POFUT3: variants seen among roughly 807,000 people sequenced by gnomAD.
POFUT3 encodes protein O-fucosyltransferase 3, also known as GDP-fucose protein O-fucosyltransferase 3.
chr8:33,466,650 A>T, the POFUT3 span, among the ~76,000 whole-genome samples: 2 of 152,158 alleles, frequency 1.3e-5, no homozygotes, highest in African/African-American at 4.8e-5. Context: ...TGTATATGGT[A>T]TTAGTTACCC....
the POFUT3 span, chr8:33,389,413 CT>C: frequency 6.2e-7 from 1 of 1,614,194 alleles, no homozygotes; most frequent in Admixed American, 1.7e-5. Context: ...TTTTCAGCTG[CT>C]GAGGGAGGTC....
At chr8:33,455,025 C>T in the POFUT3 span, among the ~76,000 whole-genome samples, 1 of 152,110 alleles carries the variant, frequency 6.6e-6, no homozygotes, top group Non-Finnish European at 1.5e-5. Context: ...CTAGAGAATG[C>T]ACTCTAGGGA....
chr8:33,417,466 T>C, the POFUT3 span, among the ~76,000 whole-genome samples: 3 of 151,716 alleles, frequency 2.0e-5, no homozygotes, highest in Non-Finnish European at 2.9e-5. Flanking sequence ...GCCAAAAAGG[T>C]TGGGCACTGC....
the POFUT3 span, chr8:33,370,891 AT>A: frequency 6.6e-6 from 1 of 152,156 alleles, no homozygotes; most frequent in Non-Finnish European, 1.5e-5. Flanking sequence ...TTTCTTTAAT[AT>A]TATCAAATAA....
At chr8:33,460,961 C>A in the POFUT3 span, among the ~76,000 whole-genome samples, 3 of 152,020 alleles carry the variant, frequency 2.0e-5, no homozygotes, top group Non-Finnish European at 4.4e-5. Flanking sequence ...GAGACCAGCA[C>A]GGCCAACATG....
At chr8:33,406,965 C>A in the POFUT3 span, among the ~76,000 whole-genome samples, 1 of 152,126 alleles carries the variant, frequency 6.6e-6, no homozygotes, top group Non-Finnish European at 1.5e-5. Flanking sequence ...AAAGGCATTT[C>A]TTTGAAGTCA....
chr8:33,336,415 A>G, the POFUT3 span, among the ~76,000 whole-genome samples: 1 of 152,170 alleles, frequency 6.6e-6, no homozygotes, highest in African/African-American at 2.4e-5. Flanking sequence ...AGTATTTTTA[A>G]CCTTTGTTTT....
At chr8:33,384,676 C>T in the POFUT3 span, among the ~76,000 whole-genome samples, 1 of 152,004 alleles carries the variant, frequency 6.6e-6, no homozygotes, top group African/African-American at 2.4e-5. Context: ...AAAAAATTAG[C>T]CAGGCATGGT....
chr8:33,425,496 T>C, the POFUT3 span, among the ~76,000 whole-genome samples: 2 of 151,916 alleles, frequency 1.3e-5, no homozygotes, highest in Admixed American at 1.3e-4. Flanking sequence ...AAGGAAAAAG[T>C]CCAGAGGGGG....
the POFUT3 span, among the ~76,000 whole-genome samples, chr8:33,426,196 T>C: frequency 8.5e-5 from 13 of 152,172 alleles, no homozygotes; most frequent in Non-Finnish European, 1.6e-4. Context: ...TGAGCCACCA[T>C]GCCCAGCCTG....
chr8:33,438,599 A>G, the POFUT3 span, among the ~76,000 whole-genome samples: 2 of 152,144 alleles, frequency 1.3e-5, no homozygotes, highest in Non-Finnish European at 2.9e-5. Context: ...CCCACACCGT[A>G]CCAGTCTGTT....
At chr8:33,388,902 AG>A in the POFUT3 span, 4 of 1,280,414 alleles carry the variant, frequency 3.1e-6, no homozygotes, top group Admixed American at 1.7e-5. Context: ...GAAATGCAGG[AG>A]AGCAGAGAAC....
chr8:33,310,706 A>T, the POFUT3 span, among the ~76,000 whole-genome samples: 18 of 151,364 alleles, frequency 1.2e-4, no homozygotes, highest in Middle Eastern at 3.4e-3. Flanking sequence ...AAAAAAAAAA[A>T]ATATCTCCCA....
the POFUT3 span, among the ~76,000 whole-genome samples, chr8:33,323,436 G>A: frequency 3.9e-5 from 6 of 152,236 alleles, no homozygotes; most frequent in Non-Finnish European, 7.4e-5. Context: ...ACTCACAAAG[G>A]GTAATGAAGT....
the POFUT3 span, among the ~76,000 whole-genome samples, chr8:33,469,174 T>C: frequency 6.6e-6 from 1 of 151,938 alleles, no homozygotes; most frequent in African/African-American, 2.4e-5. Flanking sequence ...GGTGTGGTGG[T>C]GCGTGCCTAT....
At chr8:33,378,663 C>T in the POFUT3 span, among the ~76,000 whole-genome samples, 1 of 152,106 alleles carries the variant, frequency 6.6e-6, no homozygotes, top group South Asian at 2.1e-4. Flanking sequence ...TTAAAATAGA[C>T]CTCATCTGTG....
the POFUT3 span, among the ~76,000 whole-genome samples, chr8:33,415,915 CCAAA>C: frequency 3.9e-5 from 6 of 152,116 alleles, no homozygotes; most frequent in South Asian, 2.1e-4. Context: ...CTCAGAACTC[CCAAA>C]CAGTTTTTTT....
the POFUT3 span, among the ~76,000 whole-genome samples, chr8:33,328,467 C>A: frequency 1.3e-5 from 2 of 152,108 alleles, no homozygotes; most frequent in Non-Finnish European, 2.9e-5. Context: ...CAGAAGTCTG[C>A]AGCTCTGCCC....
At chr8:33,463,127 T>A in the POFUT3 span, among the ~76,000 whole-genome samples, 2 of 152,092 alleles carry the variant, frequency 1.3e-5, no homozygotes, top group Admixed American at 1.3e-4. Flanking sequence ...ATCATGCCCC[T>A]GACATACAGA....
Sources: allele counts gnomAD v4.1 joint callset (sites outside exome capture counted in the v4.1 genomes callset), GRCh38; gene constraint gnomAD v4.1.1; transcripts MANE v1.5; gene names NCBI Gene and HGNC (gene_info 2026-07-23, HGNC 2026-07-21).